Variants in NDUFAF2 observed in about 807,000 individuals in gnomAD.
NDUFAF2 encodes NADH:ubiquinone oxidoreductase complex assembly factor 2, also known as NADH dehydrogenase [ubiquinone] 1 alpha subcomplex assembly factor 2.
NDUFAF2 carries 13 observed loss-of-function variants against 22.8 expected under a neutral mutation model. The observed-to-expected ratio is 0.57, with a 90% CI of 0.37 to 0.91. The LOEUF (loss-of-function observed/expected upper bound fraction) is 0.91, where lower values mean the gene tolerates loss of function less well. Ranked by LOEUF, NDUFAF2 falls within the 40% of genes least tolerant of loss-of-function variation. NDUFAF2 has a pLI of 0.01. For synonymous variants in NDUFAF2, 53 were observed against 64.2 expected, an observed-to-expected ratio of 0.83 and a Z score of 0.84; for missense variants, 162 against 195.2, an observed-to-expected ratio of 0.83 and a Z score of 1.01.
intron 1 of NDUFAF2, among the ~76,000 whole-genome samples, chr5:60,960,642 T>C (rs898822336): frequency 1.3e-5 from 2 of 152,206 alleles, no homozygotes; most frequent in African/African-American, 4.8e-5. Flanking sequence ...GTAGAGATAG[T>C]ATCTTCAGAA....
intron 3 of NDUFAF2, among the ~76,000 whole-genome samples, chr5:61,130,976 ACT>A (rs1255801645): frequency 6.6e-6 from 1 of 152,184 alleles, no homozygotes; most frequent in Non-Finnish European, 1.5e-5. Context: ...GTAGCATGAC[ACT>A]AAAGCCAGAT....
intron 3 of NDUFAF2, among the ~76,000 whole-genome samples, chr5:61,121,727 C>G (rs938700574): frequency 6.6e-6 from 1 of 151,990 alleles, no homozygotes; most frequent in Admixed American, 6.6e-5. Context: ...ATTAGTAGGC[C>G]TCATCCAATC....
intron 3 of NDUFAF2, among the ~76,000 whole-genome samples, chr5:61,127,520 A>G (rs1022415818): frequency 6.6e-6 from 1 of 152,210 alleles, no homozygotes; most frequent in Non-Finnish European, 1.5e-5. Context: ...AAACAGAACC[A>G]ATGACAAAAC....
chr5:61,045,352 TTTA>T (rs1751940374), intron 1 of NDUFAF2, among the ~76,000 whole-genome samples: 1 of 148,398 alleles, frequency 6.7e-6, no homozygotes, highest in African/African-American at 2.5e-5. Context: ...AAATTTTTAT[TTTA>T]AAATTTCATT....
intron 3 of NDUFAF2, among the ~76,000 whole-genome samples, chr5:61,144,697 A>G (rs1188799404): frequency 6.6e-6 from 1 of 152,092 alleles, no homozygotes; most frequent in African/African-American, 2.4e-5. Context: ...TCATCAAGTA[A>G]TCTAAACTTA....
intron 1 of NDUFAF2, among the ~76,000 whole-genome samples, chr5:61,064,466 A>G (rs1257363241): frequency 3.3e-5 from 5 of 152,134 alleles, no homozygotes; most frequent in Admixed American, 2.6e-4. Flanking sequence ...GCACACATGC[A>G]TAGAACATTC....
At chr5:61,038,116 G>GAGA (rs1561547931) in intron 1 of NDUFAF2, among the ~76,000 whole-genome samples, 56 of 147,522 alleles carry the variant, frequency 3.8e-4, no homozygotes, top group African/African-American at 1.4e-3. Context: ...GAGAGAGAGA[G>GAGA]GGAGAGAGAG....
chr5:61,120,845 TA>T (rs754129783), intron 3 of NDUFAF2, among the ~76,000 whole-genome samples: 1 of 152,122 alleles, frequency 6.6e-6, no homozygotes, highest in Admixed American at 6.6e-5. Flanking sequence ...TTTTTTGGTT[TA>T]TTTTTTTTAT....
intron 1 of NDUFAF2, among the ~76,000 whole-genome samples, chr5:60,980,379 T>C (rs1042319088): frequency 6.6e-6 from 1 of 152,136 alleles, no homozygotes; most frequent in Non-Finnish European, 1.5e-5. Flanking sequence ...AATAACTGTA[T>C]TGAGAAAACC....
chr5:61,076,732 T>TG (rs1402121121), intron 2 of NDUFAF2, among the ~76,000 whole-genome samples: 2 of 152,176 alleles, frequency 1.3e-5, no homozygotes, highest in African/African-American at 4.8e-5. Flanking sequence ...TCACTATGGC[T>TG]GCTGCATTGC....
intron 1 of NDUFAF2, among the ~76,000 whole-genome samples, chr5:61,011,588 C>A (rs1000848006): frequency 2.0e-5 from 3 of 152,092 alleles, no homozygotes; most frequent in African/African-American, 7.2e-5. Flanking sequence ...TCTGTGGCAT[C>A]ATTTTCAGTG....
intron 1 of NDUFAF2, among the ~76,000 whole-genome samples, chr5:60,974,239 T>G (rs543321065): frequency 2.0e-5 from 3 of 152,326 alleles, no homozygotes; most frequent in South Asian, 2.1e-4. Flanking sequence ...CTTTCTCCTA[T>G]GCCGGACGCT....
intron 1 of NDUFAF2, among the ~76,000 whole-genome samples, chr5:61,066,081 G>T (rs897340181): frequency 2.8e-4 from 42 of 151,784 alleles, no homozygotes; most frequent in African/African-American, 9.7e-4. Flanking sequence ...AACTGAAAAA[G>T]ACGTAAAGAA....
chr5:60,950,068 C>G (rs1750523552), intron 1 of NDUFAF2, among the ~76,000 whole-genome samples: 1 of 152,132 alleles, frequency 6.6e-6, no homozygotes, highest in Admixed American at 6.5e-5. Flanking sequence ...TATTTGCATT[C>G]TATTTCCTTC....
intron 3 of NDUFAF2, among the ~76,000 whole-genome samples, chr5:61,113,374 TAA>T (rs1233093053): frequency 1.3e-5 from 2 of 152,204 alleles, no homozygotes; most frequent in African/African-American, 2.4e-5. Context: ...GTTTATTTTG[TAA>T]AGTCTTTATT....
At position 61,008,064 on chromosome 5, in the gene NDUFAF2, A is replaced by AC. The variant is rs1168432052; in HGVS notation, c.127+62683dup. On this transcript the variant is annotated intron_variant, in intron 1 of 3. Coordinates refer to ENST00000296597, the MANE Select transcript of NDUFAF2 (RefSeq NM_174889.5). ...AACTATCGCAAGAACAAAAAACCAA[A>AC]CACCGCATCTTCTCACTCACAGGTG... Among the ~76,000 whole-genome samples, 5 of 149,388 alleles carry AC rather than the reference A, an allele frequency of 3.3e-5. No homozygotes were observed. In the Admixed American group the frequency reaches 3.4e-4, roughly 10 times the overall value.
chr5:61,100,261 C>G (rs947791761), intron 3 of NDUFAF2, among the ~76,000 whole-genome samples: 17 of 152,112 alleles, frequency 1.1e-4, no homozygotes, highest in African/African-American at 4.1e-4. Flanking sequence ...TTGCTTCATC[C>G]ATCCTCAGAA....
intron 1 of NDUFAF2, among the ~76,000 whole-genome samples, chr5:61,035,098 A>G (rs919306918): frequency 3.0e-4 from 45 of 148,796 alleles, no homozygotes; most frequent in African/African-American, 1.1e-3. Context: ...ACAGAGTCTC[A>G]CTCTGTCGCC....
intron 2 of NDUFAF2, among the ~76,000 whole-genome samples, chr5:61,091,929 C>T (rs1752573253): frequency 6.6e-6 from 1 of 152,154 alleles, no homozygotes; most frequent in Non-Finnish European, 1.5e-5. Context: ...CCAGTTATCC[C>T]AGCACCATTT....
Sources: gnomAD v4.1 joint callset for allele counts (sites outside exome capture counted in the v4.1 genomes callset) on GRCh38, gnomAD v4.1.1 for gene constraint, MANE v1.5 for transcripts, NCBI Gene and HGNC (gene_info 2026-07-23, HGNC 2026-07-21) for gene names.